Variants in THSD7B observed in about 807,000 individuals in gnomAD.
THSD7B encodes the protein thrombospondin type-1 domain-containing protein 7B.
A neutral mutation model predicts 213.6 loss-of-function variants in THSD7B; 138 were observed. The ratio of observed to expected loss-of-function variants is 0.65; its 90% CI spans 0.56 to 0.74. The LOEUF (loss-of-function observed/expected upper bound fraction) is 0.74, where lower values mean the gene tolerates loss of function less well. Ranked by LOEUF, THSD7B falls within the 30% of genes least tolerant of loss-of-function variation. The probability of loss-of-function intolerance (pLI) is 0.00; values close to 1 mark genes in which losing one functional copy is unlikely to be tolerated. For synonymous variants in THSD7B, 742 were observed against 687.0 expected (o/e 1.08, Z -1.25); for missense variants, 1,931 against 1,991.5 (o/e 0.97, Z 0.58).
intron 2 of THSD7B, among the ~76,000 whole-genome samples, chr2:137,049,291 G>A (rs1687021075): frequency 6.8e-6 from 1 of 147,350 alleles, no homozygotes; most frequent in Non-Finnish European, 1.5e-5. Flanking sequence ...TTCTAAATAT[G>A]TTTTACCCAA....
intron 20 of THSD7B, among the ~76,000 whole-genome samples, chr2:137,625,198 C>G (rs1417598372): frequency 1.3e-5 from 2 of 151,660 alleles, no homozygotes; most frequent in Admixed American, 6.6e-5. Flanking sequence ...AGCTGGAAAC[C>G]ATCATGCTGA....
intron 7 of THSD7B, among the ~76,000 whole-genome samples, chr2:137,186,839 A>C (rs1416041184): frequency 2.6e-5 from 4 of 152,192 alleles, no homozygotes; most frequent in Non-Finnish European, 5.9e-5. Flanking sequence ...CCAATCCATG[A>C]ACATGGATGT....
chr2:137,656,302 A>G (rs1049007961), intron 22 of THSD7B, among the ~76,000 whole-genome samples: 1 of 152,094 alleles, frequency 6.6e-6, no homozygotes, highest in East Asian at 1.9e-4. Context: ...TTATATAAAG[A>G]TACATTTATA....
chr2:136,799,674 AT>A (rs148895273), intron 1 of THSD7B, among the ~76,000 whole-genome samples: 23 of 151,388 alleles, frequency 1.5e-4, no homozygotes, highest in Admixed American at 8.6e-4. Context: ...TATTTTACAC[AT>A]TTTTTTTTAT....
At chr2:137,299,501 A>G (rs1331005183) in intron 12 of THSD7B, among the ~76,000 whole-genome samples, 2 of 151,966 alleles carry the variant, frequency 1.3e-5, no homozygotes, top group African/African-American at 4.8e-5. Context: ...GTGGAGTGAT[A>G]TGGTTTGGCT....
chr2:137,571,186 C>A (rs1315244907), intron 16 of THSD7B, among the ~76,000 whole-genome samples: 2 of 152,176 alleles, frequency 1.3e-5, no homozygotes, highest in East Asian at 3.9e-4. Flanking sequence ...ATTACCTATT[C>A]ATTAACTTCA....
chr2:137,342,883 C>G (rs1186918759), intron 12 of THSD7B, among the ~76,000 whole-genome samples: 1 of 151,536 alleles, frequency 6.6e-6, no homozygotes, highest in African/African-American at 2.4e-5. Context: ...GGCTAAATCC[C>G]AGGTAGTAAT....
intron 12 of THSD7B, among the ~76,000 whole-genome samples, chr2:137,359,538 C>T (rs529697674): frequency 5.9e-5 from 9 of 152,080 alleles, no homozygotes; most frequent in South Asian, 2.1e-4. Context: ...GGTAGGTAAG[C>T]GCTTACTGAA....
intron 15 of THSD7B, among the ~76,000 whole-genome samples, chr2:137,520,740 A>C (rs900237126): frequency 2.0e-5 from 3 of 152,346 alleles, no homozygotes; most frequent in Admixed American, 1.3e-4. Context: ...GGAGCACAGT[A>C]TATGCACTAG....
At chr2:137,490,785 G>A (rs1208359928) in intron 15 of THSD7B, among the ~76,000 whole-genome samples, 1 of 152,138 alleles carries the variant, frequency 6.6e-6, no homozygotes, top group Non-Finnish European at 1.5e-5. Context: ...CAGGGATAAT[G>A]GACATAGTCT....
At chr2:136,868,747 T>G (rs1031007327) in intron 1 of THSD7B, among the ~76,000 whole-genome samples, 19 of 152,168 alleles carry the variant, frequency 1.2e-4, no homozygotes, top group South Asian at 4.1e-4. Context: ...TCAGCCTACA[T>G]AAAATCTCTC....
At chr2:137,066,189 CTTTTTTT>C (rs70975797) in intron 3 of THSD7B, among the ~76,000 whole-genome samples, 22 of 115,720 alleles carry the variant, frequency 1.9e-4, no homozygotes, top group African/African-American at 7.0e-4. Flanking sequence ...TGAGTTTTCA[CTTTTTTT>C]TTTTTTTTTT....
At chr2:137,561,529 G>C (rs994093070) in intron 15 of THSD7B, among the ~76,000 whole-genome samples, 1 of 152,060 alleles carries the variant, frequency 6.6e-6, no homozygotes. Flanking sequence ...AATCCAAAAA[G>C]CTTTGTTTAA....
chr2:137,443,000 T>C (rs1490763630), intron 14 of THSD7B, among the ~76,000 whole-genome samples: 2 of 152,178 alleles, frequency 1.3e-5, no homozygotes, highest in Non-Finnish European at 2.9e-5. Context: ...ATTAAAGCAT[T>C]CAGTCACTTT....
At chr2:137,536,130 A>AT (rs1680501232) in intron 15 of THSD7B, among the ~76,000 whole-genome samples, 1 of 149,956 alleles carries the variant, frequency 6.7e-6, no homozygotes, top group African/African-American at 2.4e-5. Flanking sequence ...AGTGGTTTCC[A>AT]TACTCATGGC....
chr2:137,102,665 A>T (rs1308735337), intron 4 of THSD7B, among the ~76,000 whole-genome samples: 1 of 152,198 alleles, frequency 6.6e-6, no homozygotes, highest in African/African-American at 2.4e-5. Flanking sequence ...CTCACTAACT[A>T]GAATAACCAG....
At chr2:137,348,703 C>CTT (rs80150345) in intron 12 of THSD7B, among the ~76,000 whole-genome samples, 13,801 of 110,452 alleles carry the variant, frequency 0.12, 893 homozygotes, top group South Asian at 0.18. Context: ...CTATGAACTC[C>CTT]TTTTTTTTTT....
At chr2:137,525,769 C>T (rs566876455) in intron 15 of THSD7B, among the ~76,000 whole-genome samples, 7 of 152,124 alleles carry the variant, frequency 4.6e-5, no homozygotes, top group Non-Finnish European at 8.8e-5. Flanking sequence ...GGTGAGTTCA[C>T]ACATTTATAA....
chr2:137,182,879 T>C (rs1680480940), intron 7 of THSD7B, among the ~76,000 whole-genome samples: 1 of 152,192 alleles, frequency 6.6e-6, no homozygotes, highest in African/African-American at 2.4e-5. Flanking sequence ...GAAATGGAAA[T>C]TAGAATAGGA....
Sources: gnomAD v4.1 joint callset for allele counts (sites outside exome capture counted in the v4.1 genomes callset) on GRCh38, gnomAD v4.1.1 for gene constraint, MANE v1.5 for transcripts, NCBI Gene and HGNC (gene_info 2026-07-23, HGNC 2026-07-21) for gene names.